KATNA1: variants seen among roughly 807,000 people sequenced by gnomAD.
KATNA1 encodes katanin p60 ATPase-containing subunit A1.
KATNA1 carries 42 observed loss-of-function variants against 62.6 expected under a neutral mutation model. That is an observed-to-expected ratio of 0.67 (90% CI 0.52 to 0.87). The LOEUF is 0.87. Among genes scored for constraint, KATNA1 ranks in the 40% least tolerant of loss-of-function variants. KATNA1 has a pLI of 0.00. For missense variants in KATNA1, 498 were observed against 612.5 expected (o/e 0.81, Z 1.97); for synonymous variants, 186 against 201.9 (o/e 0.92, Z 0.67).
At chr6:149,620,482 C>CA (rs1779352738) in intron 4 of KATNA1, among the ~76,000 whole-genome samples, 2 of 152,046 alleles carry the variant, frequency 1.3e-5, no homozygotes, top group Admixed American at 6.6e-5. Context: ...TTAGTAGAGA[C>CA]AGTGTTTCAC....
chr6:149,594,914 G>GT lies in KATNA1; in HGVS notation c.*121dup, dbSNP rs77814406. The GT allele has an allele frequency of 5.4e-6, 4 of 736,564 alleles. No homozygotes were observed. Among genetic ancestry groups the GT allele is most frequent in the Non-Finnish European group, 8.4e-6 (4 of 476,752 alleles). 45.6% of individuals were successfully genotyped at this position (736,564 alleles called of 1,614,324 possible). On this transcript the variant is annotated 3_prime_UTR_variant, in exon 11 of 11. Transcript: ENST00000367411. ...ATTGCCTTTATTCAGAATCATAAGG[G>GT]TTTTTTTAAAAAAATCTTACCATTA...
At chr6:149,615,132 CAAAAAAAAAA>C (rs893824279) in intron 4 of KATNA1, among the ~76,000 whole-genome samples, 1 of 45,652 alleles carries the variant, frequency 2.2e-5, no homozygotes. Context: ...GACTCTGTCT[CAAAAAAAAAA>C]AAAAAAAAAA....
chr6:149,613,267 A>T (rs912755196), intron 4 of KATNA1, among the ~76,000 whole-genome samples: 1 of 147,956 alleles, frequency 6.8e-6, no homozygotes, highest in Non-Finnish European at 1.5e-5. Flanking sequence ...ACTCTCTGTG[A>T]TGAAACATTG....
At chr6:149,636,188 A>G (rs1780059653) in intron 2 of KATNA1, among the ~76,000 whole-genome samples, 1 of 152,130 alleles carries the variant, frequency 6.6e-6, no homozygotes, top group South Asian at 2.1e-4. Context: ...ACCTTTAAAC[A>G]AAAGCTTAGA....
intron 4 of KATNA1, among the ~76,000 whole-genome samples, chr6:149,608,590 A>T (rs1244927072): frequency 2.6e-5 from 4 of 152,228 alleles, no homozygotes; most frequent in Non-Finnish European, 4.4e-5. Flanking sequence ...CTGGAAGCCT[A>T]CAGTGAGTTA....
chr6:149,642,402 T>G (rs1043859644), intron 1 of KATNA1, among the ~76,000 whole-genome samples: 1 of 152,194 alleles, frequency 6.6e-6, no homozygotes, highest in African/African-American at 2.4e-5. Flanking sequence ...TATATATGTA[T>G]ATATACACCC....
At chr6:149,625,070 G>C (rs1326892936) in intron 3 of KATNA1, among the ~76,000 whole-genome samples, 1 of 152,076 alleles carries the variant, frequency 6.6e-6, no homozygotes, top group Admixed American at 6.6e-5. Flanking sequence ...AACACATAAT[G>C]CTGAACATTA....
chr6:149,615,849 T>C (rs1169295746), intron 4 of KATNA1, among the ~76,000 whole-genome samples: 1 of 152,156 alleles, frequency 6.6e-6, no homozygotes, highest in East Asian at 1.9e-4. Context: ...GAACCAATTA[T>C]ATGTTGTCTA....
chr6:149,632,329 C>T (rs1562298195), intron 3 of KATNA1, among the ~76,000 whole-genome samples: 2 of 148,616 alleles, frequency 1.3e-5, no homozygotes, highest in Non-Finnish European at 3.0e-5. Flanking sequence ...GAGCCGAGAT[C>T]GTGCCACTGC....
At chr6:149,604,170 T>A (rs1036931572) in intron 5 of KATNA1, among the ~76,000 whole-genome samples, 3 of 152,130 alleles carry the variant, frequency 2.0e-5, no homozygotes, top group Non-Finnish European at 2.9e-5. Context: ...GCAACACACA[T>A]ACATACAAAT....
chr6:149,595,864 T>G (rs1363889828), intron 10 of KATNA1, among the ~76,000 whole-genome samples: 3 of 152,232 alleles, frequency 2.0e-5, no homozygotes, highest in Admixed American at 1.3e-4. Context: ...GTTAATTAAG[T>G]GTCTCTACTA....
chr6:149,613,143 G>GCA (rs1779022767), intron 4 of KATNA1, among the ~76,000 whole-genome samples: 2 of 131,486 alleles, frequency 1.5e-5, no homozygotes, highest in South Asian at 2.7e-4. Context: ...TCACGCCACT[G>GCA]CACTCCAGCC....
At chr6:149,616,751 C>G (rs1779182699) in intron 4 of KATNA1, among the ~76,000 whole-genome samples, 1 of 151,756 alleles carries the variant, frequency 6.6e-6, no homozygotes, top group South Asian at 2.1e-4. Context: ...AAGACTCTGT[C>G]TTAAAAAAAA....
intron 1 of KATNA1, among the ~76,000 whole-genome samples, chr6:149,645,790 T>C (rs1293975034): frequency 2.0e-5 from 3 of 152,190 alleles, no homozygotes; most frequent in Non-Finnish European, 4.4e-5. Flanking sequence ...CAGAATCAAA[T>C]TTTTAAAAAT....
chr6:149,639,768 C>T (rs1442797831), intron 1 of KATNA1, among the ~76,000 whole-genome samples: 2 of 152,140 alleles, frequency 1.3e-5, no homozygotes, highest in African/African-American at 2.4e-5. Flanking sequence ...AGTCCCCTTG[C>T]ACTTTACTGT....
At chr6:149,608,488 A>G (rs1562284169) in intron 4 of KATNA1, among the ~76,000 whole-genome samples, 1 of 151,736 alleles carries the variant, frequency 6.6e-6, no homozygotes, top group Non-Finnish European at 1.5e-5. Flanking sequence ...AGACAGTAAC[A>G]CTCTACTCCA....
At chr6:149,641,595 CAACTGAATAAG>C (rs1455187039) in intron 1 of KATNA1, among the ~76,000 whole-genome samples, 3 of 152,166 alleles carry the variant, frequency 2.0e-5, no homozygotes, top group Non-Finnish European at 4.4e-5. Flanking sequence ...GAAATCATCT[CAACTGAATAAG>C]AACACAAGAC....
chr6:149,598,215 C>T lies in KATNA1; in HGVS notation c.1015+9G>A. ...CCGTCCCTGTTCAACTCAAGCTAAACACAGATACCATCCATCTGAACCAGC... is the reference window on the plus strand; with the variant it reads ...CCGTCCCTGTTCAACTCAAGCTAAATACAGATACCATCCATCTGAACCAGC... On this transcript the variant is annotated intron_variant, in intron 8 of 10. Coordinates refer to ENST00000367411, the MANE Select transcript of KATNA1 (RefSeq NM_007044.4). 1.2e-6 allele frequency: 2 copies of T among 1,613,654 alleles called. No individual in the cohort carries two copies. The highest frequency in any genetic ancestry group is 1.7e-6 in the Non-Finnish European group (2 of 1,179,770).
At chr6:149,628,330 C>T (rs369794994) in intron 3 of KATNA1, among the ~76,000 whole-genome samples, 1 of 140,548 alleles carries the variant, frequency 7.1e-6, no homozygotes, top group African/African-American at 2.7e-5. Flanking sequence ...AGAATGGTTT[C>T]GAACTCCCGA....
Sources: allele counts gnomAD v4.1 joint callset (sites outside exome capture counted in the v4.1 genomes callset), GRCh38; gene constraint gnomAD v4.1.1; transcripts MANE v1.5; gene names NCBI Gene and HGNC (gene_info 2026-07-23, HGNC 2026-07-21).